PSMD2: variants seen among roughly 807,000 people sequenced by gnomAD.
The protein encoded by PSMD2 is 26S proteasome non-ATPase regulatory subunit 2.
In PSMD2, 8 loss-of-function variants were observed where a neutral mutation model predicts 101.5. The ratio of observed to expected loss-of-function variants is 0.08; its 90% confidence interval spans 0.05 to 0.14. The LOEUF (loss-of-function observed/expected upper bound fraction) is 0.14. Ranked by LOEUF, PSMD2 falls within the 10% of genes least tolerant of loss-of-function variation. The pLI is 1.00. For synonymous variants in PSMD2, 418 were observed against 433.8 expected, an observed-to-expected ratio of 0.96 and a Z score of 0.45; for missense variants, 784 against 1,147.4, an observed-to-expected ratio of 0.68 and a Z score of 4.58.
chr3:184,305,523 C>T (rs1471710641), intron 12 of PSMD2, among the ~76,000 whole-genome samples: 1 of 151,056 alleles, frequency 6.6e-6, no homozygotes, highest in Non-Finnish European at 1.5e-5. Context: ...AGGGGATAAC[C>T]TCAGGATCTG....
chr3:184,302,294 A>G (rs1721673182), intron 5 of PSMD2, 76 bp from the exon 6 acceptor site: 2 of 1,398,300 alleles, frequency 1.4e-6, no homozygotes, highest in African/African-American at 2.1e-5. Flanking sequence ...TTTATTATTT[A>G]TTTTGGGTAA....
chr3:184,303,426 A>G lies in PSMD2; in HGVS notation c.1176A>G (p.Thr392=). 1 of 1,614,222 alleles carries G rather than the reference A, an allele frequency of 6.2e-7. No individual in the cohort carries two copies. The highest frequency in any genetic ancestry group is 2.2e-5 in the East Asian group (1 of 44,890). ...NAAFGQDKLL[T]DDGNKWLYKN... ...CTTTTGGCCAAGACAAGCTGCTAAC[A>G]GATGATGGCAACAAATGGCTTTACA... is the stretch of plus-strand genomic sequence containing the variant. The change falls in exon 9 of 21, where the codon ACA becomes ACG. Residue 392 remains threonine, a synonymous_variant. Transcript: ENST00000310118.
Position 184,302,013 on chromosome 3 carries a change from A to G in PSMD2, c.646A>G (p.Met216Val). The change falls in exon 5 of 21, where the codon ATG becomes GTG. Residue 216 changes from methionine to valine, a missense_variant. Physicochemically the swap from Met to Val is conservative, Grantham distance 21 (BLOSUM62 1). Coordinates refer to ENST00000310118, the MANE Select transcript of PSMD2 (RefSeq NM_002808.5). ...GCTTATGGAAATTGAGCAGGTGGAC[A>G]TGCTGGAGAAGGACATTGATGAAAA... The part of the protein sequence containing the change: ...DLLMEIEQVD[M>V]LEKDIDENAY... 2.5e-6 allele frequency: 4 copies of G among 1,614,238 alleles called. No homozygotes were observed. The highest frequency in any genetic ancestry group is 3.4e-6 in the Non-Finnish European group (4 of 1,180,054).
intron 14 of PSMD2, 33 bp downstream of exon 14, chr3:184,306,188 C>A (rs1170971281): frequency 6.2e-7 from 1 of 1,608,298 alleles, no homozygotes; most frequent in East Asian, 2.2e-5. Context: ...CTTGTGCTTC[C>A]CCAGTGACTC....
At position 184,308,024 on chromosome 3, in the gene PSMD2, C is replaced by T; in HGVS notation, c.2425+8C>T. 6.2e-7 allele frequency: 1 copy of T among 1,613,704 alleles called. No homozygotes were observed. Among genetic ancestry groups the T allele is most frequent in the Admixed American group, 1.7e-5 (1 of 59,998 alleles). ...TCCTGGATGTTCGAAACAGTGAGTT[C>T]CTGTCAGAAATTTTATATCATAGCA... On this transcript the variant is annotated splice_region_variant and intron_variant, in intron 19 of 20. Coordinates refer to ENST00000310118, the MANE Select transcript of PSMD2 (RefSeq NM_002808.5). This position sits in a 1 kb window ranked among gnomAD's most constrained non-coding sequence, Gnocchi z 6.0.
rs1721926982 is a variant in PSMD2, at chr3:184,308,633, G to C, written c.2544+66G>C. On this transcript the variant is annotated intron_variant, in intron 20 of 20. Transcript: ENST00000310118. The surrounding 1 kb of genome is among the most constrained non-coding windows in gnomAD (Gnocchi z 6.0). ...CAAACTGGAGAATGTACATATACTT[G>C]CTTTGCTGAAACTGGCGTGGGCGGT... The C allele has an allele frequency of 8.2e-6, 13 of 1,586,006 alleles. No homozygotes were observed. Among genetic ancestry groups the C allele is most frequent in the Non-Finnish European group, 1.1e-5 (13 of 1,156,836 alleles).
At chr3:184,303,877 G>T in intron 10 of PSMD2, 70 bp from the exon 11 acceptor site, 1 of 1,610,704 alleles carries the variant, frequency 6.2e-7, no homozygotes, top group Non-Finnish European at 8.5e-7. Flanking sequence ...CTGCAGTGAG[G>T]CCCATGTTGC....
chr3:184,303,084 T>G, intron 8 of PSMD2, 22 bp downstream of exon 8: 1 of 1,609,526 alleles, frequency 6.2e-7, no homozygotes, highest in Non-Finnish European at 8.5e-7. Context: ...TCTCTGTGTA[T>G]GGGATTTGGG....
Position 184,308,598 on chromosome 3 carries a change from G to A in PSMD2, c.2544+31G>A, listed in dbSNP as rs1560197675. On this transcript the variant is annotated intron_variant, in intron 20 of 20. Transcript: ENST00000310118. The surrounding 1 kb of genome is among the most constrained non-coding windows in gnomAD (Gnocchi z 6.0). ...AGGCTGAGTAGAGGGGAGGGCTCAG[G>A]CTGTATTCTCAAACTGGAGAATGTA... is the stretch of plus-strand genomic sequence containing the variant. 4 of 1,596,994 alleles carry A rather than the reference G, an allele frequency of 2.5e-6. No individual in the cohort carries two copies. Among genetic ancestry groups the A allele is most frequent in the Middle Eastern group, 1.7e-4 (1 of 5,986 alleles).
At chr3:184,301,472 C>A in intron 3 of PSMD2, 65 bp from the exon 4 acceptor site, 1 of 1,582,854 alleles carries the variant, frequency 6.3e-7, no homozygotes, top group South Asian at 1.1e-5. Flanking sequence ...ATCTTGATTC[C>A]ACAATGCATG....
rs901541920 is a variant in PSMD2, at chr3:184,302,138, T to G, written c.704+67T>G. The G allele has an allele frequency of 3.2e-5, 48 of 1,488,252 alleles. 1 individual carries two copies. Among genetic ancestry groups the G allele is most frequent in the African/African-American group, 5.5e-5 (4 of 72,276 alleles). 92.2% of individuals were successfully genotyped at this position (1,488,252 alleles called of 1,614,324 possible). ...TCAGCACCTCTCTCTCAATTGCGCCTCCTCTATTTTCCCAGAGCATTTGCT... is the reference window on the plus strand; with the variant it reads ...TCAGCACCTCTCTCTCAATTGCGCCGCCTCTATTTTCCCAGAGCATTTGCT... On this transcript the variant is annotated intron_variant, in intron 5 of 20. Coordinates refer to ENST00000310118, the MANE Select transcript of PSMD2 (RefSeq NM_002808.5).
intron 3 of PSMD2, 46 bp downstream of exon 3, chr3:184,300,490 T>A: frequency 6.3e-7 from 1 of 1,591,586 alleles, no homozygotes. Flanking sequence ...AGGAATTCCT[T>A]TTTACCCAGA....
Position 184,304,097 on chromosome 3 carries a change from C to A in PSMD2, c.1451+23C>A. The A allele has an allele frequency of 8.7e-6, 14 of 1,613,330 alleles. No homozygotes were observed. The highest frequency in any genetic ancestry group is 1.2e-5 in the Non-Finnish European group (14 of 1,179,680). ...TGGGTAAGGTTCCTCGCTTGTCTTT[C>A]TGGTAGTGCTCAGCCTGTACACTCT... On this transcript the variant is annotated intron_variant, in intron 11 of 20. Coordinates refer to ENST00000310118, the MANE Select transcript of PSMD2 (RefSeq NM_002808.5). This position sits in a 1 kb window ranked among gnomAD's most constrained non-coding sequence, Gnocchi z 4.1.
rs757881754 is a variant in PSMD2, at chr3:184,306,488, C to G, written c.1943C>G (p.Ala648Gly). The change falls in exon 15 of 21, where the codon GCA becomes GGA. Residue 648 changes from alanine (A) to glycine (G), a missense_variant. Physicochemically the swap from Ala to Gly is moderately conservative, Grantham distance 60. Transcript: ENST00000310118. Reference protein sequence around the residue: ...DKKEAPADMGAHQGVAVLGIA... With the variant: ...DKKEAPADMGGHQGVAVLGIA... ...AAGGAAGCCCCTGCTGACATGGGAG[C>G]ACATCAGGTTATATGGGCAGCTGGG... The G allele has an allele frequency of 3.3e-5, 54 of 1,613,352 alleles. No homozygotes were observed. The highest frequency in any genetic ancestry group is 1.2e-4 in the Admixed American group (7 of 59,900).
At chr3:184,303,800 G>A in intron 10 of PSMD2, 51 bp downstream of exon 10, 1 of 1,601,194 alleles carries the variant, frequency 6.2e-7, no homozygotes, top group Non-Finnish European at 8.6e-7. Flanking sequence ...CCATATTCTA[G>A]TGCCTAGCAG....
At position 184,304,533 on chromosome 3, in the gene PSMD2, AC is replaced by A; in HGVS notation, c.1539+144del. On this transcript the variant is annotated intron_variant, in intron 12 of 20. Transcript: ENST00000310118. The surrounding 1 kb of genome is among the most constrained non-coding windows in gnomAD (Gnocchi z 4.1). ...CTGTTGGTGTGTATTGAGGGGCGTC[AC>A]CTCAGTGAAACCCCTTGATCTGGGA... The A allele has an allele frequency of 4.9e-6, 4 of 812,618 alleles. No individual in the cohort carries two copies. Among genetic ancestry groups the A allele is most frequent in the Non-Finnish European group, 8.0e-6 (4 of 498,012 alleles). The allele number at this position is 812,618 out of a possible 1,614,324, so 50.3% of individuals were successfully genotyped here. A position where few individuals can be genotyped will look rare whatever the true frequency, so the allele number is the denominator to read the frequency against.
At chr3:184,307,549 C>A in intron 17 of PSMD2, 24 bp downstream of exon 17, 1 of 1,614,072 alleles carries the variant, frequency 6.2e-7, no homozygotes, top group East Asian at 2.2e-5. Context: ...AGAAGAAGGT[C>A]ATAAACAGAT....
intron 12 of PSMD2, 129 bp from the exon 13 acceptor site, chr3:184,305,639 T>C (rs971301467): frequency 1.9e-4 from 165 of 849,016 alleles, no homozygotes; most frequent in Non-Finnish European, 2.7e-4. Flanking sequence ...ACTATTGTTA[T>C]TTTGATATTA....
At position 184,304,500 on chromosome 3, in the gene PSMD2, G is replaced by T; in HGVS notation, c.1539+109G>T. On this transcript the variant is annotated intron_variant, in intron 12 of 20. Coordinates refer to ENST00000310118, the MANE Select transcript of PSMD2 (RefSeq NM_002808.5). The surrounding 1 kb of genome is among the most constrained non-coding windows in gnomAD (Gnocchi z 4.1). ...TAAGTGTGTGCATGTGTGCATACAT[G>T]TACATGCCTGTTGGTGTGTATTGAG... 3.7e-6 allele frequency: 4 copies of T among 1,092,046 alleles called. No individual in the cohort carries two copies. Among genetic ancestry groups the T allele is most frequent in the Non-Finnish European group, 5.6e-6 (4 of 719,228 alleles). The allele number at this position is 1,092,046 out of a possible 1,614,324, so 67.6% of individuals were successfully genotyped here. A position where few individuals can be genotyped will look rare whatever the true frequency, so the allele number is the denominator to read the frequency against.
Sources: gnomAD v4.1 joint callset for allele counts (sites outside exome capture counted in the v4.1 genomes callset) on GRCh38, gnomAD v4.1.1 for gene constraint, Gnocchi (gnomAD v3.1) non-coding constraint, MANE v1.5 for transcripts, NCBI Gene and HGNC (gene_info 2026-07-23, HGNC 2026-07-21) for gene names.